The following SLC35H1 variants were observed in gnomAD, a reference collection of about 807,000 sequenced individuals.
The protein encoded by SLC35H1 is ovarian cancer-overexpressed gene 1 protein.
chr20:46,357,672 G>A, the SLC35H1 span: 2 of 1,614,142 alleles, frequency 1.2e-6, no homozygotes, highest in Non-Finnish European at 1.7e-6. Context: ...GCACCACACG[G>A]GCCCTGTGGC....
the SLC35H1 span, among the ~76,000 whole-genome samples, chr20:46,357,427 G>C: frequency 6.6e-6 from 1 of 152,248 alleles, no homozygotes; most frequent in East Asian, 1.9e-4. Flanking sequence ...GTGTGTGGTG[G>C]GGCAGTGGGA....
At chr20:46,347,312 T>A in the SLC35H1 span, 1 of 152,348 alleles carries the variant, frequency 6.6e-6, no homozygotes, top group South Asian at 2.1e-4. Context: ...AGAAATACAA[T>A]CAGTCCTTAC....
the SLC35H1 span, chr20:46,358,911 C>T: frequency 2.8e-5 from 18 of 643,556 alleles, no homozygotes; most frequent in Non-Finnish European, 5.0e-5. Flanking sequence ...GTCGTGTCTG[C>T]TGTCTTGTCA....
the SLC35H1 span, among the ~76,000 whole-genome samples, chr20:46,363,709 T>C: frequency 6.6e-6 from 1 of 152,174 alleles, no homozygotes; most frequent in Admixed American, 6.5e-5. Context: ...TCTCCCTGTT[T>C]CCTCTTTCGC....
the SLC35H1 span, chr20:46,352,039 C>T: frequency 6.2e-7 from 1 of 1,613,412 alleles, no homozygotes. Context: ...GGCATCACGC[C>T]CGAGTCTGTA....
the SLC35H1 span, among the ~76,000 whole-genome samples, chr20:46,363,842 G>C: frequency 6.6e-6 from 1 of 152,182 alleles, no homozygotes; most frequent in South Asian, 2.1e-4. Context: ...TCATTCTTCT[G>C]CCACTGGTCC....
At chr20:46,357,152 C>T in the SLC35H1 span, among the ~76,000 whole-genome samples, 4 of 152,342 alleles carry the variant, frequency 2.6e-5, no homozygotes, top group East Asian at 7.7e-4. Context: ...CCTCCCAGGG[C>T]CAACCAGTCC....
the SLC35H1 span, chr20:46,346,652 A>G: frequency 6.6e-6 from 1 of 152,198 alleles, no homozygotes; most frequent in African/African-American, 2.4e-5. Flanking sequence ...GCTGTGGCGT[A>G]AAGCCATGAA....
the SLC35H1 span, among the ~76,000 whole-genome samples, chr20:46,360,839 G>A: frequency 9.4e-4 from 143 of 152,292 alleles, no homozygotes; most frequent in African/African-American, 2.5e-3. Context: ...GTGAGCCACC[G>A]CGCCCGGCTG....
the SLC35H1 span, chr20:46,355,359 C>T: frequency 7.0e-6 from 8 of 1,138,506 alleles, no homozygotes; most frequent in African/African-American, 1.1e-4. This position sits in a 1 kb window ranked among gnomAD's most constrained non-coding sequence, Gnocchi z 4.8. Flanking sequence ...GAAATCCTTC[C>T]ACCCTTCAGC....
the SLC35H1 span, chr20:46,348,951 G>C: frequency 1.1e-4 from 16 of 152,228 alleles, no homozygotes; most frequent in Non-Finnish European, 1.6e-4. Context: ...GAAGTTTGCA[G>C]ACCCATTTTT....
At chr20:46,361,291 T>C in the SLC35H1 span, among the ~76,000 whole-genome samples, 8 of 152,110 alleles carry the variant, frequency 5.3e-5, no homozygotes, top group Admixed American at 1.3e-4. Context: ...ATTCCTCTCT[T>C]CCCCTTAGCC....
the SLC35H1 span, among the ~76,000 whole-genome samples, chr20:46,354,377 G>A: frequency 1.2e-4 from 18 of 152,196 alleles, no homozygotes; most frequent in African/African-American, 3.9e-4. Context: ...AAGCCTTTCT[G>A]ACTTGCCTGA....
At chr20:46,359,808 G>A in the SLC35H1 span, among the ~76,000 whole-genome samples, 3 of 152,128 alleles carry the variant, frequency 2.0e-5, no homozygotes, top group Non-Finnish European at 4.4e-5. Context: ...CTATTGAAAC[G>A]CCACCTTCTT....
At chr20:46,362,152 T>A in the SLC35H1 span, among the ~76,000 whole-genome samples, 1 of 152,054 alleles carries the variant, frequency 6.6e-6, no homozygotes, top group Non-Finnish European at 1.5e-5. Flanking sequence ...TCCCTGGAGA[T>A]CATCTAGGCA....
At chr20:46,358,836 A>C in the SLC35H1 span, 1 of 984,622 alleles carries the variant, frequency 1.0e-6, no homozygotes, top group Non-Finnish European at 1.6e-6. Flanking sequence ...GTGCCTCTGA[A>C]GGCTGCGTGA....
chr20:46,360,143 TA>T, the SLC35H1 span, among the ~76,000 whole-genome samples: 1 of 152,190 alleles, frequency 6.6e-6, no homozygotes. Flanking sequence ...AAGATTAGCT[TA>T]TAATTATCTG....
At chr20:46,362,142 T>A in the SLC35H1 span, among the ~76,000 whole-genome samples, 19 of 152,070 alleles carry the variant, frequency 1.2e-4, no homozygotes, top group Non-Finnish European at 2.2e-4. Context: ...GCTAGAAGGG[T>A]CCCTGGAGAT....
the SLC35H1 span, chr20:46,356,508 A>G: frequency 6.5e-7 from 1 of 1,549,794 alleles, no homozygotes; most frequent in South Asian, 1.1e-5. Flanking sequence ...GGGTGTGCAG[A>G]CACCCCGCTG....
Sources: gnomAD v4.1 joint callset for allele counts (sites outside exome capture counted in the v4.1 genomes callset) on GRCh38, gnomAD v4.1.1 for gene constraint, Gnocchi (gnomAD v3.1) non-coding constraint, MANE v1.5 for transcripts, NCBI Gene and HGNC (gene_info 2026-07-23, HGNC 2026-07-21) for gene names.